CHD9: variants seen among roughly 807,000 people sequenced by gnomAD.
CHD9 encodes ATP-dependent chromatin remodeler CHD9.
Under a neutral mutation model 316.1 loss-of-function variants are expected in CHD9, and 77 were observed. That is an observed-to-expected ratio of 0.24 (90% CI 0.20 to 0.29). The LOEUF is 0.29. CHD9 is among the 10% of genes least tolerant of loss of function. The pLI is 1.00. For missense variants in CHD9, 2,763 were observed against 3,438.1 expected, an observed-to-expected ratio of 0.80 and a Z score of 4.91; for synonymous variants, 1,129 against 1,158.3, an observed-to-expected ratio of 0.97 and a Z score of 0.51.
chr16:53,153,058 T>C (rs2041242436), intron 1 of CHD9, among the ~76,000 whole-genome samples: 1 of 152,204 alleles, frequency 6.6e-6, no homozygotes, highest in African/African-American at 2.4e-5. Flanking sequence ...CAAATGCTGC[T>C]GATAGGTAGT....
intron 19 of CHD9, among the ~76,000 whole-genome samples, chr16:53,259,030 C>T (rs1331689161): frequency 6.6e-6 from 1 of 152,102 alleles, no homozygotes; most frequent in Non-Finnish European, 1.5e-5. Flanking sequence ...TCTTCTCTTG[C>T]AAATAATACA....
chr16:53,286,183 T>A, intron 25 of CHD9, 43 bp from the exon 26 acceptor site: 1 of 1,189,744 alleles, frequency 8.4e-7, no homozygotes, highest in Non-Finnish European at 1.2e-6. Flanking sequence ...TACACCTTTC[T>A]TCTTTTTATC....
At chr16:53,106,198 C>G (rs1297473328) in intron 1 of CHD9, among the ~76,000 whole-genome samples, 3 of 152,146 alleles carry the variant, frequency 2.0e-5, no homozygotes, top group Non-Finnish European at 2.9e-5. Flanking sequence ...CGTCTCTGCT[C>G]AGCACATTGG....
At chr16:53,176,172 A>G (rs1206644356) in intron 2 of CHD9, among the ~76,000 whole-genome samples, 2 of 152,220 alleles carry the variant, frequency 1.3e-5, no homozygotes, top group African/African-American at 2.4e-5. Flanking sequence ...AGTCCTTTCT[A>G]GAAGCTCTAG....
chr16:53,177,581 T>G (rs1319032035), intron 2 of CHD9, among the ~76,000 whole-genome samples: 1 of 152,204 alleles, frequency 6.6e-6, no homozygotes, highest in Non-Finnish European at 1.5e-5. Flanking sequence ...AGTGGCATAA[T>G]CCAAAGAGGT....
intron 1 of CHD9, among the ~76,000 whole-genome samples, chr16:53,059,511 T>C (rs1306520749): frequency 6.6e-6 from 1 of 152,184 alleles, no homozygotes; most frequent in Admixed American, 6.5e-5. Flanking sequence ...CATGAATTCC[T>C]CTGTGAAAGA....
In CHD9 at chr16:53,195,763, CTTTTT is replaced by C. The variant is rs553431442; in HGVS notation, c.1453-13706_1453-13702del. The stretch of plus-strand genomic sequence containing the variant: ...ATAAAACAGAGAGATTCAATGTATG[CTTTTT>C]TTTTTTTTTTTTGAGATAGGGTCTC... On this transcript the variant is annotated intron_variant, in intron 2 of 38. Transcript: ENST00000447540. Among the ~76,000 whole-genome samples the C allele has an allele frequency of 9.9e-4, 124 of 125,720 alleles. 1 individual carries two copies. The highest frequency in any genetic ancestry group is 3.3e-3 in the African/African-American group (111 of 33,922). The allele number at this position is 125,720 out of a possible 152,430, so 82.5% of individuals were successfully genotyped here. A position where few individuals can be genotyped will look rare whatever the true frequency, so the allele number is the denominator to read the frequency against.
At chr16:53,152,024 G>A (rs559220610) in intron 1 of CHD9, among the ~76,000 whole-genome samples, 2 of 152,132 alleles carry the variant, frequency 1.3e-5, no homozygotes, top group South Asian at 4.2e-4. Flanking sequence ...ATACACACGT[G>A]TGTGTGCATA....
intron 1 of CHD9, among the ~76,000 whole-genome samples, chr16:53,093,304 G>C (rs921259313): frequency 1.3e-5 from 2 of 152,184 alleles, no homozygotes; most frequent in African/African-American, 4.8e-5. Context: ...CTCATCTGCA[G>C]AATGTGAATA....
rs1171341959 is a variant in CHD9 at position 53,156,920 on chromosome 16, C to T, written c.831C>T (p.Ser277=). 1 of 1,613,404 alleles carries T rather than the reference C, an allele frequency of 6.2e-7. No homozygotes were observed. Among genetic ancestry groups the T allele is most frequent in the South Asian group, 1.1e-5 (1 of 91,074 alleles). ...SQQFSSHYSF[S]SNHISPNSLL... is the part of the protein sequence containing the mutation. ...AATTTTCTTCACATTATTCCTTTTC[C>T]AGTAATCATATATCACCAAACAGTC... is the stretch of plus-strand genomic sequence containing the variant. The change falls in exon 2 of 39, where the codon TCC becomes TCT. Residue 277 remains serine, a synonymous_variant. Coordinates refer to ENST00000447540, the MANE Select transcript of CHD9 (RefSeq NM_001308319.2).
intron 37 of CHD9, chr16:53,321,183 A>C: frequency 2.6e-5 from 33 of 1,248,274 alleles, no homozygotes; most frequent in Non-Finnish European, 3.4e-5. Flanking sequence ...TGAGGCTGAA[A>C]GAGATTTACT....
intron 1 of CHD9, among the ~76,000 whole-genome samples, chr16:53,068,287 G>A (rs543329486): frequency 1.3e-4 from 20 of 152,122 alleles, no homozygotes; most frequent in Admixed American, 1.0e-3. Context: ...TGCCATTCAA[G>A]TTCCTTCTGG....
chr16:53,122,917 C>T lies in CHD9; in HGVS notation c.-164-33009C>T, dbSNP rs1183409269. Among the ~76,000 whole-genome samples the T allele has an allele frequency of 2.0e-5, 3 of 149,322 alleles. No individual in the cohort carries two copies. The East Asian group carries it at 6.0e-4, about 30-fold the overall frequency. ...ATTTTTAGTAGATAACAGGGTTTCA[C>T]TGTGTTAGCCAGGATGGTCTTGATC... On this transcript the variant is annotated intron_variant, in intron 1 of 38. Transcript: ENST00000447540.
chr16:53,268,425 G>T (rs566443523), intron 22 of CHD9, among the ~76,000 whole-genome samples: 1 of 152,148 alleles, frequency 6.6e-6, no homozygotes, highest in Non-Finnish European at 1.5e-5. Context: ...GTATTCCGTA[G>T]TATGGATATT....
intron 4 of CHD9, among the ~76,000 whole-genome samples, chr16:53,225,300 A>T (rs1234455516): frequency 6.6e-6 from 1 of 152,018 alleles, no homozygotes; most frequent in African/African-American, 2.4e-5. Context: ...AAATTGGACT[A>T]GAAAAAAGAA....
chr16:53,304,655 T>A (rs909273039), intron 31 of CHD9, 30 bp downstream of exon 31: 3 of 1,457,860 alleles, frequency 2.1e-6, no homozygotes, highest in East Asian at 5.0e-5. Context: ...TCTACTTTTT[T>A]AACATAACTT....
At chr16:53,194,442 C>T (rs1056605622) in intron 2 of CHD9, among the ~76,000 whole-genome samples, 17 of 151,860 alleles carry the variant, frequency 1.1e-4, no homozygotes, top group African/African-American at 3.9e-4. Flanking sequence ...GGCATAGTGA[C>T]GCAGGCCTGT....
At chr16:53,280,916 C>G (rs1221714463) in intron 24 of CHD9, among the ~76,000 whole-genome samples, 1 of 152,154 alleles carries the variant, frequency 6.6e-6, no homozygotes, top group Non-Finnish European at 1.5e-5. Flanking sequence ...CCCTCGTCCT[C>G]CATAAGATGC....
intron 17 of CHD9, among the ~76,000 whole-genome samples, chr16:53,253,982 G>A (rs1236768412): frequency 4.6e-5 from 7 of 152,248 alleles, no homozygotes; most frequent in African/African-American, 1.4e-4. Flanking sequence ...TTCGAGACCA[G>A]CCTGGCCAAC....
Sources: allele counts gnomAD v4.1 joint callset (sites outside exome capture counted in the v4.1 genomes callset), GRCh38; gene constraint gnomAD v4.1.1; transcripts MANE v1.5; gene names NCBI Gene and HGNC (gene_info 2026-07-23, HGNC 2026-07-21).